PRDM5: variants seen among roughly 807,000 people sequenced by gnomAD.
The protein encoded by PRDM5 is PR domain zinc finger protein 5.
A neutral mutation model predicts 81.2 loss-of-function variants in PRDM5; 56 were observed. The ratio of observed to expected loss-of-function variants is 0.69; its 90% CI spans 0.56 to 0.86. The LOEUF is 0.86. Among genes scored for constraint, PRDM5 ranks in the 40% least tolerant of loss-of-function variants. PRDM5 has a pLI of 0.00. For missense variants in PRDM5, 697 were observed against 770.1 expected (o/e 0.91, Z 1.12); for synonymous variants, 267 against 256.4 (o/e 1.04, Z -0.39).
chr4:120,909,436 G>T (rs1166689612), intron 1 of PRDM5, among the ~76,000 whole-genome samples: 3 of 152,120 alleles, frequency 2.0e-5, no homozygotes, highest in Non-Finnish European at 4.4e-5. Context: ...AAAAAATAAG[G>T]TGTGTTTTCT....
intron 14 of PRDM5, among the ~76,000 whole-genome samples, chr4:120,720,627 G>A (rs937182085): frequency 2.6e-5 from 4 of 152,258 alleles, no homozygotes; most frequent in Admixed American, 2.6e-4. Context: ...AAAATGCATT[G>A]AGTTTCCCTC....
At chr4:120,747,976 C>T (rs1743393558) in intron 14 of PRDM5, among the ~76,000 whole-genome samples, 1 of 152,178 alleles carries the variant, frequency 6.6e-6, no homozygotes, top group Non-Finnish European at 1.5e-5. Flanking sequence ...CTATCGTAAA[C>T]AGTTACAAAC....
chr4:120,781,934 A>G (rs1749096863), intron 11 of PRDM5, among the ~76,000 whole-genome samples: 1 of 152,172 alleles, frequency 6.6e-6, no homozygotes, highest in African/African-American at 2.4e-5. Flanking sequence ...TCAGAGAGGA[A>G]TTAAATTGGG....
intron 15 of PRDM5, among the ~76,000 whole-genome samples, chr4:120,698,308 T>C (rs1274068765): frequency 2.6e-5 from 4 of 152,182 alleles, no homozygotes; most frequent in Non-Finnish European, 5.9e-5. Context: ...TTAGCATCAT[T>C]TGACATGCCT....
At chr4:120,727,592 A>G (rs2149075441) in intron 14 of PRDM5, among the ~76,000 whole-genome samples, 1 of 152,294 alleles carries the variant, frequency 6.6e-6, no homozygotes, top group African/African-American at 2.4e-5. Flanking sequence ...AAGCATCTCC[A>G]AATGTCTACC....
At chr4:120,873,543 A>C (rs559362950) in intron 2 of PRDM5, among the ~76,000 whole-genome samples, 76 of 152,342 alleles carry the variant, frequency 5.0e-4, no homozygotes, top group Non-Finnish European at 9.3e-4. Flanking sequence ...TTCACCTCCC[A>C]CAAAAATTTA....
chr4:120,839,101 AAAG>A (rs1757694062), intron 3 of PRDM5: 1 of 618,518 alleles, frequency 1.6e-6, no homozygotes, highest in Non-Finnish European at 2.9e-6. Flanking sequence ...GCAGCACCCC[AAAG>A]AAGGAGTCAC....
In PRDM5 at chr4:120,781,237, T is replaced by G. The variant is rs1449312580; in HGVS notation, c.1349A>C (p.His450Pro). 5 of 1,613,122 alleles carry G rather than the reference T, an allele frequency of 3.1e-6. No individual in the cohort carries two copies. Among genetic ancestry groups the G allele is most frequent in the Admixed American group, 1.7e-5 (1 of 59,946 alleles). The part of the protein sequence containing the change: ...TFKRKDTLNV[H>P]VQVVHERHKK... ...GTGTCTTTCATGAACCACCTGGACA[T>G]GAACATTTAATGTATCCTTCCTCTT... The change falls in exon 12 of 16, where the codon CAT becomes CCT. Residue 450 changes from histidine (H) to proline (P), a missense_variant. Coordinates refer to ENST00000264808, the MANE Select transcript of PRDM5 (RefSeq NM_018699.4).
In PRDM5 at chr4:120,816,595, C is replaced by A. The variant is rs187390407; in HGVS notation, c.744-21G>T. The A allele has an allele frequency of 1.2e-5, 20 of 1,613,798 alleles. No individual in the cohort carries two copies. In the African/African-American group the frequency reaches 2.7e-4, roughly 22 times the overall value. On this transcript the variant is annotated intron_variant, in intron 6 of 15. Transcript: ENST00000264808. Reference sequence around the variant, plus strand: ...CAAAACTACAAGACAACCAGCAAAGCGGAACAGGAAGAAATGGTGAAGACA... The same window carrying A: ...CAAAACTACAAGACAACCAGCAAAGAGGAACAGGAAGAAATGGTGAAGACA...
chr4:120,766,938 A>C (rs1056945444), intron 13 of PRDM5, among the ~76,000 whole-genome samples: 5 of 152,206 alleles, frequency 3.3e-5, no homozygotes, highest in Admixed American at 3.3e-4. Flanking sequence ...AAGATTTATA[A>C]AAAATAACAT....
chr4:120,732,060 T>A (rs1740341604), intron 14 of PRDM5, among the ~76,000 whole-genome samples: 1 of 152,182 alleles, frequency 6.6e-6, no homozygotes, highest in Non-Finnish European at 1.5e-5. Flanking sequence ...CAAATTAATG[T>A]TGAACCATCT....
At chr4:120,852,481 C>T (rs1759381688) in intron 3 of PRDM5, among the ~76,000 whole-genome samples, 1 of 152,100 alleles carries the variant, frequency 6.6e-6, no homozygotes, top group Non-Finnish European at 1.5e-5. Flanking sequence ...ATTCTCCTAA[C>T]AGCCTGCAAC....
chr4:120,914,311 C>T (rs562322382), intron 1 of PRDM5, among the ~76,000 whole-genome samples: 6 of 151,268 alleles, frequency 4.0e-5, no homozygotes, highest in East Asian at 1.9e-4. Context: ...GTGAAAACTA[C>T]GAACAGATAA....
chr4:120,875,028 G>A (rs1228057216), intron 2 of PRDM5, among the ~76,000 whole-genome samples: 1 of 152,138 alleles, frequency 6.6e-6, no homozygotes, highest in East Asian at 1.9e-4. Context: ...CTGAGAACAA[G>A]CTCACTTTTC....
intron 2 of PRDM5, among the ~76,000 whole-genome samples, chr4:120,864,267 C>A (rs771818271): frequency 6.6e-6 from 1 of 152,136 alleles, no homozygotes; most frequent in African/African-American, 2.4e-5. Flanking sequence ...TAATCTACAT[C>A]TTAGGAGCTA....
chr4:120,701,148 CA>C (rs140302851), intron 15 of PRDM5, among the ~76,000 whole-genome samples: 113 of 138,484 alleles, frequency 8.2e-4, no homozygotes, highest in African/African-American at 2.5e-3. Flanking sequence ...AAAAAACAAA[CA>C]AAAAAAAAAG....
rs1439827970 is a variant in PRDM5, at chr4:120,697,667, ACTAT to A, written c.1729-2396_1729-2393del. ...GGCCAGATGCCACCATGCCCAGCTA[ACTAT>A]TTTTTTTTTTTTTTTTTTTTTGTAT... On this transcript the variant is annotated intron_variant, in intron 15 of 15. Coordinates refer to ENST00000264808, the MANE Select transcript of PRDM5 (RefSeq NM_018699.4). 2.8e-3 allele frequency among the ~76,000 whole-genome samples: 242 copies of A among 85,964 alleles called. 3 individuals are homozygous for A. The highest frequency in any genetic ancestry group is 9.0e-3 in the East Asian group (21 of 2,340). The allele number at this position is 85,964 out of a possible 152,430, so 56.4% of individuals were successfully genotyped here.
intron 11 of PRDM5, 41 bp downstream of exon 11, chr4:120,784,957 G>A: frequency 1.4e-6 from 2 of 1,466,650 alleles, no homozygotes; most frequent in Non-Finnish European, 1.9e-6. Context: ...CAAAGTATGA[G>A]ATAATTCCTT....
intron 1 of PRDM5, among the ~76,000 whole-genome samples, chr4:120,913,886 A>T (rs1278402987): frequency 6.6e-6 from 1 of 152,192 alleles, no homozygotes. Flanking sequence ...GTACAAGGAG[A>T]CCAGAAAGCT....
Sources: gnomAD v4.1 joint callset for allele counts (sites outside exome capture counted in the v4.1 genomes callset) on GRCh38, gnomAD v4.1.1 for gene constraint, MANE v1.5 for transcripts, NCBI Gene and HGNC (gene_info 2026-07-23, HGNC 2026-07-21) for gene names.